The following RYR2 variants were observed in gnomAD, a reference collection of about 807,000 sequenced individuals.
RYR2 encodes cardiac muscle ryanodine receptor-calcium release channel.
In RYR2, 227 loss-of-function variants were observed where a neutral mutation model predicts 601.1. That is an observed-to-expected ratio of 0.38 (90% CI 0.34 to 0.42). The LOEUF (loss-of-function observed/expected upper bound fraction) is 0.42. Among genes scored for constraint, RYR2 ranks in the 10% least tolerant of loss-of-function variants. The pLI, the probability that RYR2 is intolerant of heterozygous loss-of-function variation, is 1.00. For synonymous variants in RYR2, 2,223 were observed against 2,175.1 expected, an observed-to-expected ratio of 1.02 and a Z score of -0.61; for missense variants, 4,646 against 6,156.5, an observed-to-expected ratio of 0.75 and a Z score of 8.21.
At chr1:237,789,977 T>C (rs1474175124) in intron 92 of RYR2, among the ~76,000 whole-genome samples, 1 of 152,140 alleles carries the variant, frequency 6.6e-6, no homozygotes, top group Admixed American at 6.5e-5. Flanking sequence ...AAAGATGGGG[T>C]CCTGTGTGGG....
chr1:237,639,258 ATAAAATATATT>A, intron 46 of RYR2, 57 bp downstream of exon 46: 2 of 1,464,458 alleles, frequency 1.4e-6, no homozygotes, highest in Non-Finnish European at 1.8e-6. Context: ...GTGAAATTTT[ATAAAATATATT>A]CTGCATCCTA....
In RYR2 at chr1:237,441,438, G is replaced by A; in HGVS notation, c.1125G>A (p.Gln375=). 6.2e-7 allele frequency: 1 copy of A among 1,604,294 alleles called. No homozygotes were observed. Among genetic ancestry groups the A allele is most frequent in the Non-Finnish European group, 8.5e-7 (1 of 1,174,254 alleles). Residue 375 remains glutamine, a synonymous_variant, in exon 13 of 105, where the codon CAG becomes CAA. Transcript: ENST00000366574. ...ACACAGGCCTATGGCTTACTTACCA[G>A]TCTGTGGACGTGAAATCCGTGAGAA... The part of the protein sequence containing the change: ...HVDTGLWLTY[Q]SVDVKSVRMG...
Position 237,187,443 on chromosome 1 carries a change from C to CTTTTTTTTTTTTTTTTTT in RYR2, c.49-83052_49-83035dup, listed in dbSNP as rs10686110. ...GGCGTGAGCCAACACGCCCGGCCGACTTTTTTTTTTTTTTTTTTTGAGACA... is the reference window on the plus strand; with the variant it reads ...GGCGTGAGCCAACACGCCCGGCCGACTTTTTTTTTTTTTTTTTTTTTTTTTTTTTTTTTTTTTGAGACA... On this transcript the variant is annotated intron_variant, in intron 1 of 104. Transcript: ENST00000366574. Among the ~76,000 whole-genome samples the CTTTTTTTTTTTTTTTTTT allele has an allele frequency of 2.3e-5, 2 of 86,762 alleles. 1 individual carries two copies. 56.9% of individuals were successfully genotyped at this position (86,762 alleles called of 152,430 possible). A position where few individuals can be genotyped will look rare whatever the true frequency, so the allele number is the denominator to read the frequency against.
chr1:237,494,980 G>A (rs534013555), intron 19 of RYR2, among the ~76,000 whole-genome samples: 5 of 151,930 alleles, frequency 3.3e-5, no homozygotes, highest in Non-Finnish European at 5.9e-5. Context: ...TAGTAGAGAC[G>A]GGGTTTCACC....
chr1:237,496,688 G>T lies in RYR2; in HGVS notation c.2139G>T (p.Trp713Cys). The change falls in exon 20 of 105, where the codon TGG becomes TGT. Residue 713 changes from tryptophan to cysteine, a missense_variant. Trp to Cys is a radical substitution (Grantham distance 215). Around this residue, in one of 17 missense-constraint regions of RYR2, gnomAD observed 1,807 missense variants for 2,088.1 expected, o/e 0.87. Transcript: ENST00000366574. Reference protein sequence around the residue: ...YSPYPGGGEEWGGNGVGDDLF... With the variant: ...YSPYPGGGEECGGNGVGDDLF... ...CCTACCCTGGAGGGGGCGAAGAGTG[G>T]GGTGGAAATGGTGTTGGAGATGATC... 6.2e-7 allele frequency: 1 copy of T among 1,613,932 alleles called. No homozygotes were observed. Among genetic ancestry groups the T allele is most frequent in the Non-Finnish European group, 8.5e-7 (1 of 1,179,880 alleles).
At chr1:237,733,342 G>T (rs1690859719) in intron 78 of RYR2, among the ~76,000 whole-genome samples, 1 of 152,102 alleles carries the variant, frequency 6.6e-6, no homozygotes, top group Non-Finnish European at 1.5e-5. Context: ...TCCATCAAAT[G>T]TCAAATTTCA....
intron 13 of RYR2, among the ~76,000 whole-genome samples, chr1:237,444,810 T>A (rs190092093): frequency 5.9e-5 from 9 of 152,294 alleles, no homozygotes; most frequent in African/African-American, 2.2e-4. Flanking sequence ...CAAAAAACTA[T>A]CAAAAGAAAA....
chr1:237,145,977 A>G (rs1274394788), intron 1 of RYR2, among the ~76,000 whole-genome samples: 1 of 152,242 alleles, frequency 6.6e-6, no homozygotes, highest in Non-Finnish European at 1.5e-5. Flanking sequence ...TCAGAATCTC[A>G]GTAAGCAGGG....
At chr1:237,111,759 G>A (rs895553587) in intron 1 of RYR2, among the ~76,000 whole-genome samples, 3 of 152,174 alleles carry the variant, frequency 2.0e-5, no homozygotes, top group Admixed American at 1.3e-4. Flanking sequence ...GTAACAGAAA[G>A]CTCTGAGATT....
chr1:237,746,772 G>C (rs1369409607), intron 80 of RYR2, among the ~76,000 whole-genome samples: 1 of 151,996 alleles, frequency 6.6e-6, no homozygotes, highest in Non-Finnish European at 1.5e-5. Flanking sequence ...TAATTGAAAG[G>C]GAAGAAATGT....
chr1:237,812,012 A>G (rs1661307685), intron 100 of RYR2, among the ~76,000 whole-genome samples: 1 of 152,200 alleles, frequency 6.6e-6, no homozygotes, highest in Non-Finnish European at 1.5e-5. Flanking sequence ...GTGCTTATAT[A>G]GCACTTGGCT....
intron 2 of RYR2, among the ~76,000 whole-genome samples, chr1:237,311,043 T>A (rs761372509): frequency 6.6e-6 from 1 of 152,208 alleles, no homozygotes; most frequent in Non-Finnish European, 1.5e-5. Context: ...TTTAAAACAA[T>A]AACAGGCAGA....
At chr1:237,452,858 C>T (rs187927104) in intron 14 of RYR2, among the ~76,000 whole-genome samples, 116 of 151,736 alleles carry the variant, frequency 7.6e-4, no homozygotes, top group African/African-American at 2.7e-3. Flanking sequence ...TGAAACATAA[C>T]ATAATTAATA....
intron 17 of RYR2, among the ~76,000 whole-genome samples, chr1:237,476,619 G>T (rs190210112): frequency 3.3e-5 from 5 of 151,786 alleles, no homozygotes; most frequent in Non-Finnish European, 7.4e-5. Flanking sequence ...CTGTAAATAG[G>T]ATGGTTTAAG....
intron 1 of RYR2, 73 bp downstream of exon 1, chr1:237,042,642 A>G: frequency 3.2e-6 from 4 of 1,233,814 alleles, no homozygotes; most frequent in Non-Finnish European, 4.1e-6. Context: ...GTCCGGGCAG[A>G]GTGACAGCGG....
Position 237,631,303 on chromosome 1 carries a change from A to G in RYR2, c.6441-124A>G, listed in dbSNP as rs1759123. 448,045 of 641,754 alleles carry G rather than the reference A, an allele frequency of 0.7. 159,742 individuals are homozygous for G. Among genetic ancestry groups the G allele is most frequent in the South Asian group, 0.76 (36,478 of 47,954 alleles). 39.8% of individuals were successfully genotyped at this position (641,754 alleles called of 1,614,324 possible). On this transcript the variant is annotated intron_variant, in intron 41 of 104. Coordinates refer to ENST00000366574, the MANE Select transcript of RYR2 (RefSeq NM_001035.3). The stretch of plus-strand genomic sequence containing the variant: ...CATTCATTAATTTTTGTGGCTTATT[A>G]AATACTGTGATTGCTTTTACTTTTC...
intron 70 of RYR2, 47 bp downstream of exon 70, chr1:237,709,614 CT>C: frequency 8.5e-7 from 1 of 1,173,946 alleles, no homozygotes; most frequent in Non-Finnish European, 1.2e-6. Context: ...TTGTAGGCAC[CT>C]GCTTACTTGC....
At chr1:237,138,243 G>A (rs1324736774) in intron 1 of RYR2, among the ~76,000 whole-genome samples, 7 of 152,004 alleles carry the variant, frequency 4.6e-5, no homozygotes, top group Non-Finnish European at 1.0e-4. Context: ...ATGTTGCCCA[G>A]GCTGGTCTTG....
At position 237,708,966 on chromosome 1, in the gene RYR2, A is replaced by C; in HGVS notation, c.10010A>C (p.Glu3337Ala). The change falls in exon 69 of 105, where the codon GAA (glutamate) becomes GCA (alanine). Residue 3337 changes from glutamate (E) to alanine (A), a missense_variant. This residue lies in a region of RYR2 where 1,497 missense variants were observed against 1,842.6 expected (regional missense o/e 0.81). Coordinates refer to ENST00000366574, the MANE Select transcript of RYR2 (RefSeq NM_001035.3). ...KKKAATVVSE[E>A]DHLKAEARGD... The stretch of plus-strand genomic sequence containing the variant: ...AAGGCAGCTACGGTGGTGTCTGAGG[A>C]AGACCACCTGAAAGCTGAGGCCAGG... 1 of 1,613,654 alleles carries C rather than the reference A, an allele frequency of 6.2e-7. No individual in the cohort carries two copies. The highest frequency in any genetic ancestry group is 1.1e-5 in the South Asian group (1 of 91,054).
Sources: gnomAD v4.1 joint callset for allele counts (sites outside exome capture counted in the v4.1 genomes callset) on GRCh38, gnomAD v4.1.1 for gene constraint, gnomAD v4.1.1 regional missense constraint, MANE v1.5 for transcripts, NCBI Gene and HGNC (gene_info 2026-07-23, HGNC 2026-07-21) for gene names.